CACNA1C: variants seen among roughly 807,000 people sequenced by gnomAD.
CACNA1C encodes calcium voltage-gated channel subunit alpha1 C, also known as voltage-dependent L-type calcium channel subunit alpha-1C.
CACNA1C carries 30 observed loss-of-function variants against 229.0 expected under a neutral mutation model. That is an observed-to-expected ratio of 0.13 (90% CI 0.10 to 0.18). CACNA1C has a LOEUF of 0.18. Ranked by LOEUF, CACNA1C falls within the 10% of genes least tolerant of loss-of-function variation. The probability of loss-of-function intolerance (pLI) is 1.00; values close to 1 mark genes in which losing one functional copy is unlikely to be tolerated. For synonymous variants in CACNA1C, 1,114 were observed against 1,132.5 expected (o/e 0.98, Z 0.33); for missense variants, 1,658 against 2,845.0 (o/e 0.58, Z 9.49).
intron 5 of CACNA1C, among the ~76,000 whole-genome samples, chr12:2,463,682 C>T (rs2099531033): frequency 6.6e-6 from 1 of 152,174 alleles, no homozygotes. Context: ...AGGAGAGTGG[C>T]CGTGGCCCTG....
intron 10 of CACNA1C, among the ~76,000 whole-genome samples, chr12:2,556,426 C>T (rs528591589): frequency 2.0e-5 from 3 of 152,326 alleles, no homozygotes; most frequent in Admixed American, 6.5e-5. Flanking sequence ...CTGGGGCTGG[C>T]GCCTTAGGCC....
In CACNA1C at chr12:2,403,169, C is replaced by T. The variant is rs1008901945; in HGVS notation, c.478-45807C>T. ...CTTCCCAACATTTCCTGGAGGTCAA[C>T]CTGCTTTTAACAGCCTTCATTCTTT... On this transcript the variant is annotated intron_variant, in intron 3 of 46. Transcript: ENST00000399655. The surrounding 1 kb of genome is among the most constrained non-coding windows in gnomAD (Gnocchi z 4.1). Among the ~76,000 whole-genome samples the T allele has an allele frequency of 6.6e-6, 1 of 152,180 alleles. No homozygotes were observed. Among genetic ancestry groups the T allele is most frequent in the Non-Finnish European group, 1.5e-5 (1 of 68,040 alleles).
chr12:2,663,667 T>C (rs1169392467), intron 34 of CACNA1C, among the ~76,000 whole-genome samples: 1 of 151,664 alleles, frequency 6.6e-6, no homozygotes, highest in Non-Finnish European at 1.5e-5. Context: ...GGCTTGTCCG[T>C]GTAAGCAAAA....
At chr12:2,375,832 A>G (rs1031092879) in intron 3 of CACNA1C, among the ~76,000 whole-genome samples, 1 of 152,222 alleles carries the variant, frequency 6.6e-6, no homozygotes, top group Admixed American at 6.5e-5. Flanking sequence ...CTCACTGGTA[A>G]CTCAGGCTCT....
chr12:2,395,228 T>A (rs371602983), intron 3 of CACNA1C, among the ~76,000 whole-genome samples: 12 of 146,636 alleles, frequency 8.2e-5, no homozygotes, highest in South Asian at 4.4e-4. Context: ...TTTTTTTTTT[T>A]AAATATTTGA....
intron 32 of CACNA1C, among the ~76,000 whole-genome samples, chr12:2,652,634 C>A (rs1351739940): frequency 6.6e-6 from 1 of 152,220 alleles, no homozygotes; most frequent in Non-Finnish European, 1.5e-5. Context: ...GGGCCTGGTC[C>A]AGGTGAGGAA....
intron 30 of CACNA1C, among the ~76,000 whole-genome samples, chr12:2,634,730 G>A (rs1489552517): frequency 6.6e-6 from 1 of 152,048 alleles, no homozygotes; most frequent in Non-Finnish European, 1.5e-5. Context: ...GCCACTCTGG[G>A]CAGCTGCTGG....
chr12:2,078,775 C>T (rs558317302), intron 1 of CACNA1C, among the ~76,000 whole-genome samples: 36 of 152,286 alleles, frequency 2.4e-4, no homozygotes, highest in African/African-American at 8.2e-4. Context: ...CATCCCATTA[C>T]TGGGTATATA....
At chr12:2,364,586 T>A (rs1026860723) in intron 3 of CACNA1C, among the ~76,000 whole-genome samples, 16 of 152,220 alleles carry the variant, frequency 1.1e-4, no homozygotes, top group African/African-American at 3.9e-4. Context: ...TTCACTCGGC[T>A]AAAAGCAGAA....
At chr12:2,075,075 A>T (rs2062705833) in intron 1 of CACNA1C, among the ~76,000 whole-genome samples, 1 of 152,176 alleles carries the variant, frequency 6.6e-6, no homozygotes, top group South Asian at 2.1e-4. Flanking sequence ...GTCTTAATGC[A>T]TTCCTTCAGT....
intron 30 of CACNA1C, among the ~76,000 whole-genome samples, chr12:2,636,091 G>A (rs566224207): frequency 3.5e-4 from 54 of 152,352 alleles, no homozygotes; most frequent in South Asian, 1.0e-3. Context: ...GTGCTCAGCC[G>A]TGGGAGACAC....
Position 2,410,643 on chromosome 12 carries a change from G to A in CACNA1C, c.478-38333G>A, listed in dbSNP as rs2098796250. On this transcript the variant is annotated intron_variant, in intron 3 of 46. Transcript: ENST00000399655. The surrounding 1 kb of genome is among the most constrained non-coding windows in gnomAD (Gnocchi z 5.3). ...GGATGGCTCGCCTGTGTGTGTGTGT[G>A]TGTGCATGCGTGTGTGTGTTCCAGG... is the stretch of plus-strand genomic sequence containing the variant. Among the ~76,000 whole-genome samples the A allele has an allele frequency of 6.6e-6, 1 of 150,502 alleles. No homozygotes were observed. Among genetic ancestry groups the A allele is most frequent in the African/African-American group, 2.5e-5 (1 of 40,740 alleles).
At chr12:2,430,575 TG>T (rs141847443) in intron 3 of CACNA1C, among the ~76,000 whole-genome samples, 15,558 of 151,924 alleles carry the variant, frequency 0.1, 972 homozygotes, top group African/African-American at 0.17. Flanking sequence ...TGGGAGGTGG[TG>T]GGGGGGTCCG....
rs996687205 is a variant in CACNA1C, at chr12:2,402,651, A to T, written c.478-46325A>T. On this transcript the variant is annotated intron_variant, in intron 3 of 46. Transcript: ENST00000399655. ...CTGACCTATAAATCTTCAAGTGCAC[A>T]CTGATGTTGTTGTAATCTGGAGATA... Among the ~76,000 whole-genome samples, 3 of 152,318 alleles carry T rather than the reference A, an allele frequency of 2.0e-5. No individual in the cohort carries two copies. The East Asian group carries it at 5.8e-4, about 29-fold the overall frequency.
intron 3 of CACNA1C, among the ~76,000 whole-genome samples, chr12:2,415,561 C>G (rs113171976): frequency 4.6e-5 from 7 of 152,308 alleles, no homozygotes; most frequent in African/African-American, 1.7e-4. Flanking sequence ...ACACCACCGT[C>G]CCAAGAAGAA....
At position 2,275,866 on chromosome 12, in the gene CACNA1C, A is replaced by AC. The variant is rs2087687915; in HGVS notation, c.477+155436_477+155437insC. Among the ~76,000 whole-genome samples, 1 of 151,456 alleles carries AC rather than the reference A, an allele frequency of 6.6e-6. No homozygotes were observed. The highest frequency in any genetic ancestry group is 2.4e-5 in the African/African-American group (1 of 40,850). On this transcript the variant is annotated intron_variant, in intron 3 of 46. Coordinates refer to ENST00000399655, the MANE Select transcript of CACNA1C (RefSeq NM_000719.7). The surrounding 1 kb of genome is among the most constrained non-coding windows in gnomAD (Gnocchi z 4.1). ...GCTTGTCTGCAGCGAGCCCTCAAAA[A>AC]ACATGGGTTTTGAGCCAGACGGAAA...
intron 1 of CACNA1C, among the ~76,000 whole-genome samples, chr12:2,089,864 C>A (rs1211635404): frequency 1.1e-5 from 1 of 89,748 alleles, no homozygotes; most frequent in African/African-American, 4.5e-5. Flanking sequence ...GAAACCCCTA[C>A]TAAAAATACA....
At chr12:2,419,104 C>G (rs1237058111) in intron 3 of CACNA1C, among the ~76,000 whole-genome samples, 1 of 152,224 alleles carries the variant, frequency 6.6e-6, no homozygotes, top group African/African-American at 2.4e-5. Flanking sequence ...CCCTAGGCCT[C>G]TCTGCCTGTA....
chr12:2,617,046 T>G (rs2081011819), intron 29 of CACNA1C, among the ~76,000 whole-genome samples: 1 of 152,242 alleles, frequency 6.6e-6, no homozygotes, highest in African/African-American at 2.4e-5. Flanking sequence ...TTGAAGCCCC[T>G]GTTATCTTTC....
Sources: gnomAD v4.1 joint callset for allele counts (sites outside exome capture counted in the v4.1 genomes callset) on GRCh38, gnomAD v4.1.1 for gene constraint, Gnocchi (gnomAD v3.1) non-coding constraint, MANE v1.5 for transcripts, NCBI Gene and HGNC (gene_info 2026-07-23, HGNC 2026-07-21) for gene names.